Variants in MSRB3 observed in about 807,000 individuals in gnomAD.
MSRB3 encodes the protein methionine-R-sulfoxide reductase B3.
A neutral mutation model predicts 21.0 loss-of-function variants in MSRB3; 13 were observed. That is an observed-to-expected ratio of 0.62 (90% CI 0.40 to 0.98). The LOEUF is 0.98. MSRB3 is among the 50% of genes least tolerant of loss of function. The pLI is 0.00. For missense variants in MSRB3, 199 were observed against 230.3 expected, an observed-to-expected ratio of 0.86 and a Z score of 0.88; for synonymous variants, 87 against 88.6, an observed-to-expected ratio of 0.98 and a Z score of 0.10.
intron 1 of MSRB3, among the ~76,000 whole-genome samples, chr12:65,301,202 A>G (rs1873310922): frequency 6.6e-6 from 1 of 152,204 alleles, no homozygotes; most frequent in South Asian, 2.1e-4. Context: ...AATAATATAT[A>G]TGGAGACTAA....
At chr12:65,295,841 A>T (rs1872932998) in intron 1 of MSRB3, among the ~76,000 whole-genome samples, 1 of 152,210 alleles carries the variant, frequency 6.6e-6, no homozygotes, top group Non-Finnish European at 1.5e-5. Context: ...GTGATAAATT[A>T]TATCAGTCAC....
At chr12:65,296,475 A>G (rs937474924) in intron 1 of MSRB3, among the ~76,000 whole-genome samples, 11 of 152,238 alleles carry the variant, frequency 7.2e-5, no homozygotes, top group African/African-American at 2.7e-4. Flanking sequence ...GTTATGATCT[A>G]CATTATACGA....
In MSRB3 at chr12:65,368,662, T is replaced by A. The variant is rs570673342; in HGVS notation, c.264-336T>A. ...TAAAGAGAATAATTATGAATTTGGT[T>A]TTGTATTGCTTTATTATCTTACTGA... On this transcript the variant is annotated intron_variant, in intron 4 of 6. Transcript: ENST00000308259. Among the ~76,000 whole-genome samples the A allele has an allele frequency of 7.9e-5, 12 of 152,284 alleles. No individual in the cohort carries two copies. In the East Asian group the frequency reaches 2.3e-3, roughly 29 times the overall value.
At chr12:65,391,591 CAGTA>C (rs1370504926) in intron 5 of MSRB3, among the ~76,000 whole-genome samples, 4 of 152,040 alleles carry the variant, frequency 2.6e-5, no homozygotes, top group African/African-American at 9.7e-5. Flanking sequence ...AAATAATGGC[CAGTA>C]AGTGATAAAC....
intron 4 of MSRB3, among the ~76,000 whole-genome samples, chr12:65,362,679 G>T (rs1000757213): frequency 3.3e-5 from 5 of 152,152 alleles, no homozygotes; most frequent in Admixed American, 6.6e-5. Context: ...AATCGAGCCT[G>T]CCCACTCTTC....
intron 2 of MSRB3, among the ~76,000 whole-genome samples, chr12:65,326,289 G>A (rs1003327639): frequency 1.3e-5 from 2 of 152,110 alleles, no homozygotes; most frequent in African/African-American, 2.4e-5. Flanking sequence ...TGGAATCATG[G>A]AGAACAGTAA....
intron 5 of MSRB3, among the ~76,000 whole-genome samples, chr12:65,398,394 C>A (rs1438186991): frequency 6.6e-6 from 1 of 152,048 alleles, no homozygotes; most frequent in African/African-American, 2.4e-5. Context: ...GTTTGTTGGC[C>A]GCATAAATGT....
intron 5 of MSRB3, among the ~76,000 whole-genome samples, chr12:65,413,005 C>G (rs867274566): frequency 3.9e-5 from 6 of 152,206 alleles, no homozygotes; most frequent in Admixed American, 6.5e-5. Flanking sequence ...TTAACTCCAT[C>G]TGGTCCCTCC....
chr12:65,433,685 T>C (rs141960604), intron 5 of MSRB3, among the ~76,000 whole-genome samples: 120 of 152,026 alleles, frequency 7.9e-4, no homozygotes, highest in Non-Finnish European at 1.2e-3. Flanking sequence ...TGAGAAAATA[T>C]TTGTCTTTTC....
At chr12:65,378,555 G>A (rs529151866) in intron 5 of MSRB3, among the ~76,000 whole-genome samples, 1 of 152,290 alleles carries the variant, frequency 6.6e-6, no homozygotes, top group South Asian at 2.1e-4. Flanking sequence ...AATATAAAAT[G>A]TAGTACATAC....
intron 5 of MSRB3, among the ~76,000 whole-genome samples, chr12:65,384,319 A>T (rs886862105): frequency 1.3e-5 from 2 of 152,174 alleles, no homozygotes; most frequent in African/African-American, 2.4e-5. Flanking sequence ...ATGTGTCACC[A>T]TACAAGTAAT....
At chr12:65,327,343 G>C (rs1255955955) in intron 3 of MSRB3, among the ~76,000 whole-genome samples, 1 of 152,206 alleles carries the variant, frequency 6.6e-6, no homozygotes, top group African/African-American at 2.4e-5. Flanking sequence ...GCAAAAAGAA[G>C]GTAGCATAAT....
intron 5 of MSRB3, among the ~76,000 whole-genome samples, chr12:65,447,391 A>G (rs10878280): frequency 0.38 from 58,165 of 152,012 alleles, 11,601 homozygotes; most frequent in South Asian, 0.57. Context: ...TTAGGGAATC[A>G]TAGAAAAACT....
At chr12:65,430,017 A>AT (rs34085180) in intron 5 of MSRB3, among the ~76,000 whole-genome samples, 2 of 151,266 alleles carry the variant, frequency 1.3e-5, no homozygotes, top group Non-Finnish European at 3.0e-5. Context: ...ATTTTACTAC[A>AT]TTTTTTTTTC....
At chr12:65,341,321 A>G (rs1213627627) in intron 4 of MSRB3, among the ~76,000 whole-genome samples, 2 of 152,106 alleles carry the variant, frequency 1.3e-5, no homozygotes, top group African/African-American at 2.4e-5. Flanking sequence ...CAAACATCAC[A>G]TGTTCTCACT....
chr12:65,284,819 GA>G (rs1872246546), intron 1 of MSRB3: 1 of 152,198 alleles, frequency 6.6e-6, no homozygotes, highest in Non-Finnish European at 1.5e-5. Flanking sequence ...TTACTAACTT[GA>G]GAGATAATAC....
At chr12:65,348,494 T>C (rs924368779) in intron 4 of MSRB3, among the ~76,000 whole-genome samples, 6 of 152,184 alleles carry the variant, frequency 3.9e-5, no homozygotes, top group Non-Finnish European at 8.8e-5. Flanking sequence ...TTTATTAGTC[T>C]TGCTAGCAGT....
At chr12:65,286,569 A>G (rs1175202634) in intron 1 of MSRB3, 5 of 152,184 alleles carry the variant, frequency 3.3e-5, no homozygotes, top group Non-Finnish European at 7.3e-5. Flanking sequence ...TAGCCGTGAC[A>G]TGTCTTCTGT....
At chr12:65,413,117 C>T (rs556772119) in intron 5 of MSRB3, among the ~76,000 whole-genome samples, 46 of 152,272 alleles carry the variant, frequency 3.0e-4, no homozygotes, top group South Asian at 1.0e-3. Flanking sequence ...CTACACTCAC[C>T]TCTTGGTAAT....
Sources: gnomAD v4.1 joint callset for allele counts (sites outside exome capture counted in the v4.1 genomes callset) on GRCh38, gnomAD v4.1.1 for gene constraint, MANE v1.5 for transcripts, NCBI Gene and HGNC (gene_info 2026-07-23, HGNC 2026-07-21) for gene names.